ARMH4: variants seen among roughly 807,000 people sequenced by gnomAD.
ARMH4 encodes armadillo-like helical domain-containing protein 4.
In ARMH4, 49 loss-of-function variants were observed where a neutral mutation model predicts 61.9. The ratio of observed to expected loss-of-function variants is 0.79; its 90% CI spans 0.63 to 1.00. ARMH4 has a LOEUF of 1.00. Ranked by LOEUF, ARMH4 falls within the 50% of genes least tolerant of loss-of-function variation. The pLI is 0.00. For missense variants in ARMH4, 934 were observed against 930.0 expected (o/e 1.00, Z -0.06); for synonymous variants, 368 against 341.5 (o/e 1.08, Z -0.85).
At chr14:58,118,434 A>G (rs1886603518) in intron 4 of ARMH4, among the ~76,000 whole-genome samples, 2 of 133,508 alleles carry the variant, frequency 1.5e-5, no homozygotes, top group Admixed American at 1.7e-4. Flanking sequence ...TGCAGGGGGT[A>G]GGGGCTCACT....
intron 5 of ARMH4, among the ~76,000 whole-genome samples, chr14:58,043,641 A>G (rs999031373): frequency 3.9e-5 from 6 of 152,222 alleles, no homozygotes; most frequent in Non-Finnish European, 8.8e-5. Flanking sequence ...AGGGTATTCA[A>G]TTAGGAAAAG....
At chr14:58,116,860 A>G (rs1322512778) in intron 4 of ARMH4, among the ~76,000 whole-genome samples, 1 of 152,160 alleles carries the variant, frequency 6.6e-6, no homozygotes, top group Admixed American at 6.5e-5. Context: ...AGCCCATATA[A>G]TTGGTATGTT....
chr14:58,039,617 CTCATTAAGGAG>C (rs1883614883), intron 5 of ARMH4, among the ~76,000 whole-genome samples: 1 of 152,158 alleles, frequency 6.6e-6, no homozygotes, highest in Non-Finnish European at 1.5e-5. Flanking sequence ...ACAGCAGTGG[CTCATTAAGGAG>C]CCTGGAGTAA....
chr14:58,137,510 T>C (rs1449956584), intron 2 of ARMH4, among the ~76,000 whole-genome samples: 2 of 152,152 alleles, frequency 1.3e-5, no homozygotes, highest in Admixed American at 6.5e-5. Flanking sequence ...GTGATTCTCC[T>C]GCCTCAGCCT....
At position 58,054,882 on chromosome 14, in the gene ARMH4, AAAAT is replaced by A. The variant is rs1455925257; in HGVS notation, c.2089+41838_2089+41841del. ...AGGACTCTGTCTCAAAAAAAAAAAA[AAAAT>A]AATAATAATAATAATAATAATAATG... On this transcript the variant is annotated intron_variant, in intron 5 of 7. Coordinates refer to ENST00000267485, the MANE Select transcript of ARMH4 (RefSeq NM_001001872.4). 5.5e-3 allele frequency among the ~76,000 whole-genome samples: 790 copies of A among 144,436 alleles called. 8 individuals are homozygous for A. Among genetic ancestry groups the A allele is most frequent in the East Asian group, 0.05 (247 of 4,948 alleles). 94.8% of individuals were successfully genotyped at this position (144,436 alleles called of 152,430 possible).
At chr14:58,117,925 A>AT (rs1189549234) in intron 4 of ARMH4, among the ~76,000 whole-genome samples, 1 of 117,410 alleles carries the variant, frequency 8.5e-6, no homozygotes, top group Non-Finnish European at 2.1e-5. Context: ...CACCCAGCTA[A>AT]TTAAAAAAAA....
intron 5 of ARMH4, among the ~76,000 whole-genome samples, chr14:58,080,596 AGAGG>A (rs1275888347): frequency 1.3e-5 from 2 of 152,142 alleles, no homozygotes; most frequent in Non-Finnish European, 2.9e-5. Flanking sequence ...GAAGGGAGAG[AGAGG>A]GAGGGAGACA....
chr14:58,147,524 AG>A (rs1465623178), intron 1 of ARMH4, among the ~76,000 whole-genome samples: 1 of 152,152 alleles, frequency 6.6e-6, no homozygotes, highest in Non-Finnish European at 1.5e-5. Context: ...CATGTTGGCC[AG>A]GATGGTCTCA....
chr14:58,051,876 A>ATTT (rs548267022), intron 5 of ARMH4, among the ~76,000 whole-genome samples: 623 of 152,288 alleles, frequency 4.1e-3, no homozygotes, highest in African/African-American at 0.014. Context: ...CACTCTTTAA[A>ATTT]AGACAGCTAG....
chr14:58,057,460 A>G (rs1884381220), intron 5 of ARMH4, among the ~76,000 whole-genome samples: 1 of 152,216 alleles, frequency 6.6e-6, no homozygotes, highest in Non-Finnish European at 1.5e-5. Flanking sequence ...GAATTAATTA[A>G]GTCATATAAC....
intron 4 of ARMH4, among the ~76,000 whole-genome samples, chr14:58,103,082 G>A (rs1053913375): frequency 5.0e-4 from 75 of 151,442 alleles, no homozygotes; most frequent in Admixed American, 1.9e-3. Context: ...GCAGTGAGCC[G>A]AGATCGCACC....
At chr14:58,104,940 G>T (rs1352099265) in intron 4 of ARMH4, among the ~76,000 whole-genome samples, 3 of 152,138 alleles carry the variant, frequency 2.0e-5, no homozygotes, top group Non-Finnish European at 4.4e-5. Flanking sequence ...ACATTCCTCT[G>T]AATACTCTTG....
intron 5 of ARMH4, among the ~76,000 whole-genome samples, chr14:58,058,673 G>A (rs1268669976): frequency 6.6e-6 from 1 of 152,216 alleles, no homozygotes; most frequent in African/African-American, 2.4e-5. Context: ...AGGACAATCA[G>A]AGGTCACGTT....
At chr14:58,143,249 A>C (rs1254468349) in intron 1 of ARMH4, among the ~76,000 whole-genome samples, 5 of 152,212 alleles carry the variant, frequency 3.3e-5, no homozygotes, top group African/African-American at 1.2e-4. Flanking sequence ...GCACGAGTAC[A>C]ATAGTGTCAT....
chr14:58,020,190 T>C lies in ARMH4; in HGVS notation c.2090-8040A>G, dbSNP rs533453049. Among the ~76,000 whole-genome samples, 43 of 152,256 alleles carry C rather than the reference T, an allele frequency of 2.8e-4. No individual in the cohort carries two copies. The South Asian group carries it at 6.0e-3, about 21-fold the overall frequency. The stretch of plus-strand genomic sequence containing the variant: ...TGATCTGGAATTGGAACTCAGACCT[T>C]TATGGCTCTAAAGCCTGTTCAGTAC... On this transcript the variant is annotated intron_variant, in intron 5 of 7. Coordinates refer to ENST00000267485, the MANE Select transcript of ARMH4 (RefSeq NM_001001872.4).
intron 4 of ARMH4, among the ~76,000 whole-genome samples, chr14:58,118,283 T>C (rs1162754338): frequency 1.3e-5 from 2 of 152,160 alleles, no homozygotes; most frequent in African/African-American, 4.8e-5. Context: ...TGCCTGGAAA[T>C]GAATCATACC....
At chr14:58,023,323 T>C (rs1010816709) in intron 5 of ARMH4, among the ~76,000 whole-genome samples, 2 of 152,182 alleles carry the variant, frequency 1.3e-5, no homozygotes, top group Non-Finnish European at 2.9e-5. Context: ...TCTAAGTCCT[T>C]TGTTGTCATT....
intron 4 of ARMH4, among the ~76,000 whole-genome samples, chr14:58,098,764 G>A (rs1018847131): frequency 2.7e-5 from 4 of 150,912 alleles, no homozygotes; most frequent in Non-Finnish European, 5.9e-5. Flanking sequence ...GTAGGCAGGG[G>A]CCAGATCTGA....
Position 58,138,606 on chromosome 14 carries a change from G to C in ARMH4, c.753C>G (p.Thr251=), listed in dbSNP as rs772243757. The C allele has an allele frequency of 7.4e-6, 12 of 1,614,160 alleles. No homozygotes were observed. Among genetic ancestry groups the C allele is most frequent in the Non-Finnish European group, 6.8e-6 (8 of 1,180,040 alleles). The stretch of plus-strand genomic sequence containing the variant: ...TCTGCGAAGGCTTCTCCTTATCAGG[G>C]GTGAGGCTTCCAGGCTCACTGCCTG... ...STAGSEPGSL[T]PDKEKPSQMT... Residue 251 remains threonine, a synonymous_variant, in exon 2 of 8, where the codon ACC becomes ACG. Coordinates refer to ENST00000267485, the MANE Select transcript of ARMH4 (RefSeq NM_001001872.4).
Sources: gnomAD v4.1 joint callset for allele counts (sites outside exome capture counted in the v4.1 genomes callset) on GRCh38, gnomAD v4.1.1 for gene constraint, MANE v1.5 for transcripts, NCBI Gene and HGNC (gene_info 2026-07-23, HGNC 2026-07-21) for gene names.